SEPTIN6: variants seen among roughly 807,000 people sequenced by gnomAD.
SEPTIN6 encodes septin 6, also known as septin-6.
Under a neutral mutation model 33.6 loss-of-function variants are expected in SEPTIN6, and 8 were observed. The observed-to-expected ratio is 0.24, with a 90% CI of 0.14 to 0.43. The LOEUF (loss-of-function observed/expected upper bound fraction) is 0.43. Ranked by LOEUF, SEPTIN6 falls within the 20% of genes least tolerant of loss-of-function variation. The pLI, the probability that SEPTIN6 is intolerant of heterozygous loss-of-function variation, is 1.00. For synonymous variants in SEPTIN6, 131 were observed against 140.0 expected (o/e 0.94, Z 0.45); for missense variants, 250 against 340.8 (o/e 0.73, Z 2.10).
intron 2 of SEPTIN6, among the ~76,000 whole-genome samples, chrX:119,670,026 G>A (rs958584374): frequency 8.9e-6 from 1 of 111,745 alleles, no homozygotes; most frequent in African/African-American, 3.3e-5. Context: ...CTTGTTCCCA[G>A]GAGTGCAAAG....
In SEPTIN6 at chrX:119,618,852, C is replaced by T. The variant is rs1730855088; in HGVS notation, c.*1241G>A. ...TCATTGCCAGGTCAACTCCATCTCT[C>T]ACACTGTCACTGGCCAAACACCAAA... is the stretch of plus-strand genomic sequence containing the variant. On this transcript the variant is annotated 3_prime_UTR_variant, in exon 11 of 11. Transcript: ENST00000394610. The T allele has an allele frequency of 2.5e-6, 3 of 1,203,743 alleles. No individual in the cohort carries two copies. The highest frequency in any genetic ancestry group is 2.2e-6 in the Non-Finnish European group (2 of 891,544).
At chrX:119,668,272 G>A (rs2054680333) in intron 2 of SEPTIN6, among the ~76,000 whole-genome samples, 1 of 110,468 alleles carries the variant, frequency 9.1e-6, no homozygotes, top group Admixed American at 9.7e-5. Flanking sequence ...CTCCAGCCTG[G>A]GCGACAGAGC....
intron 2 of SEPTIN6, among the ~76,000 whole-genome samples, chrX:119,673,906 C>T (rs2054796507): frequency 1.0e-5 from 1 of 100,167 alleles, no homozygotes; most frequent in Non-Finnish European, 2.0e-5. Context: ...TTTCTGAATA[C>T]ATTAAAGTGT....
rs186506770 is a variant in SEPTIN6, at chrX:119,663,591, C to A, written c.232G>T (p.Gly78Cys). 3 of 1,208,067 alleles carry A rather than the reference C, an allele frequency of 2.5e-6. No homozygotes were observed. In the African/African-American group the frequency reaches 5.3e-5, roughly 21 times the overall value. ...EGEPATHTQPGVQLQSNTYDL... is the reference protein window; with the variant it reads ...EGEPATHTQPCVQLQSNTYDL... The stretch of plus-strand genomic sequence containing the variant: ...TAGGTATTAGACTGGAGCTGGACAC[C>A]CGGCTGTGTGTGGGTGGCTGGCTCC... The change falls in exon 3 of 11, where the codon GGT (glycine) becomes TGT (cysteine). Residue 78 changes from glycine (G) to cysteine (C), a missense_variant. Gly to Cys is a radical substitution (Grantham distance 159). Coordinates refer to ENST00000394610, the MANE Select transcript of SEPTIN6 (RefSeq NM_145799.4).
chrX:119,637,713 G>T (rs369742877), intron 6 of SEPTIN6, among the ~76,000 whole-genome samples: 1 of 110,232 alleles, frequency 9.1e-6, no homozygotes, highest in East Asian at 2.8e-4. Flanking sequence ...AATATTTGTG[G>T]AATCTCTGTT....
intron 1 of SEPTIN6, among the ~76,000 whole-genome samples, chrX:119,690,520 C>T (rs2055151737): frequency 9.2e-6 from 1 of 108,292 alleles, no homozygotes. Context: ...GTCAGGAGTT[C>T]GAGACCAGCC....
intron 5 of SEPTIN6, among the ~76,000 whole-genome samples, chrX:119,642,116 T>G (rs1201746904): frequency 9.9e-6 from 1 of 101,384 alleles, no homozygotes; most frequent in Non-Finnish European, 2.0e-5. Flanking sequence ...AAGTGGAGGT[T>G]GCAGTGAGCC....
intron 5 of SEPTIN6, among the ~76,000 whole-genome samples, chrX:119,643,451 G>A (rs1026246599): frequency 3.7e-5 from 4 of 109,575 alleles, no homozygotes; most frequent in Admixed American, 9.8e-5. Flanking sequence ...GTATTCCCTC[G>A]GGCCTGTTGC....
chrX:119,635,621 A>G (rs1054790113), intron 7 of SEPTIN6, among the ~76,000 whole-genome samples: 20 of 111,606 alleles, frequency 1.8e-4, no homozygotes, highest in Non-Finnish European at 9.4e-5. Flanking sequence ...GTTGATATCA[A>G]ATAAGATGGA....
intron 2 of SEPTIN6, among the ~76,000 whole-genome samples, chrX:119,666,864 C>G (rs2054649380): frequency 9.0e-6 from 1 of 111,332 alleles, no homozygotes; most frequent in Admixed American, 9.5e-5. Context: ...GTATCACACC[C>G]CACCTCACCC....
Position 119,618,508 on chromosome X carries a change from G to A in SEPTIN6, c.*1585C>T, listed in dbSNP as rs951308968. The A allele has an allele frequency of 3.2e-6, 3 of 930,740 alleles. No homozygotes were observed. In the African/African-American group the frequency reaches 6.2e-5, roughly 19 times the overall value. 76.7% of individuals were successfully genotyped at this position (930,740 alleles called of 1,213,427 possible). A position where few individuals can be genotyped will look rare whatever the true frequency, so the allele number is the denominator to read the frequency against. On this transcript the variant is annotated 3_prime_UTR_variant, in exon 11 of 11. Coordinates refer to ENST00000394610, the MANE Select transcript of SEPTIN6 (RefSeq NM_145799.4). ...ATTTGGCATAACCTTGTTTGACTGT[G>A]TGCTTTGAAAGTAAGTGATCAAAAA...
At chrX:119,652,747 A>G (rs2054370518) in intron 4 of SEPTIN6, 107 bp downstream of exon 4, 3 of 600,009 alleles carry the variant, frequency 5.0e-6, no homozygotes, top group Non-Finnish European at 7.9e-6. Flanking sequence ...ACAGGGAATG[A>G]GGGAGAGGAT....
At position 119,619,744 on chromosome X, in the gene SEPTIN6, G is replaced by C; in HGVS notation, c.*349C>G. The C allele has an allele frequency of 2.0e-5, 20 of 989,665 alleles. No homozygotes were observed. Among genetic ancestry groups the C allele is most frequent in the Non-Finnish European group, 2.6e-5 (20 of 783,850 alleles). The allele number at this position is 989,665 out of a possible 1,213,427, so 81.6% of individuals were successfully genotyped here. A position where few individuals can be genotyped will look rare whatever the true frequency, so the allele number is the denominator to read the frequency against. ...CTGGAACAGGGGAGCTGGTGGGAAA[G>C]AGTAGCAGATGGGCCCCCTGACCAT... On this transcript the variant is annotated 3_prime_UTR_variant, in exon 11 of 11. Coordinates refer to ENST00000394610, the MANE Select transcript of SEPTIN6 (RefSeq NM_145799.4).
intron 6 of SEPTIN6, among the ~76,000 whole-genome samples, chrX:119,639,842 C>T (rs1378903616): frequency 1.8e-5 from 2 of 111,167 alleles, no homozygotes; most frequent in Non-Finnish European, 3.8e-5. Flanking sequence ...CTCACTCTGT[C>T]GCCCAGGCTG....
rs191091034 is a variant in SEPTIN6 at position 119,670,770 on chromosome X, C to T, written c.145+4784G>A. On this transcript the variant is annotated intron_variant, in intron 2 of 10. Transcript: ENST00000394610. ...CCTGACCAACATGGAGAAACCCCGT[C>T]TCTACTAAAAATACAAAATTAGCTG... Among the ~76,000 whole-genome samples, 6 of 108,557 alleles carry T rather than the reference C, an allele frequency of 5.5e-5. No individual in the cohort carries two copies. The Admixed American group carries it at 6.0e-4, about 11-fold the overall frequency. 94.3% of individuals were successfully genotyped at this position (108,557 alleles called of 115,157 possible).
At position 119,619,663 on chromosome X, in the gene SEPTIN6, T is replaced by C. The variant is rs1452204001; in HGVS notation, c.*430A>G. ...CCAAGGGGACAGCTGTGCTGATCGG[T>C]GGTTACCCAGCCATGGTGGTTGCAA... On this transcript the variant is annotated 3_prime_UTR_variant, in exon 11 of 11. Coordinates refer to ENST00000394610, the MANE Select transcript of SEPTIN6 (RefSeq NM_145799.4). The C allele has an allele frequency of 6.8e-6, 6 of 887,968 alleles. No homozygotes were observed. In the East Asian group the frequency reaches 3.3e-4, roughly 49 times the overall value. 73.2% of individuals were successfully genotyped at this position (887,968 alleles called of 1,213,427 possible). A position where few individuals can be genotyped will look rare whatever the true frequency, so the allele number is the denominator to read the frequency against.
intron 4 of SEPTIN6, among the ~76,000 whole-genome samples, chrX:119,651,339 TCTC>T (rs1336227046): frequency 8.9e-6 from 1 of 111,768 alleles, no homozygotes; most frequent in Non-Finnish European, 1.9e-5. Flanking sequence ...CAGAGCCTAT[TCTC>T]CTTGGCACTT....
At chrX:119,627,853 G>A (rs1417347293) in intron 9 of SEPTIN6, among the ~76,000 whole-genome samples, 2 of 93,133 alleles carry the variant, frequency 2.1e-5, no homozygotes, top group African/African-American at 4.1e-5. Flanking sequence ...AGGCTGGAGT[G>A]CAATGGTGCT....
At position 119,661,897 on chromosome X, in the gene SEPTIN6, C is replaced by A. The variant is rs750684140; in HGVS notation, c.341+1585G>T. The stretch of plus-strand genomic sequence containing the variant: ...GAATTACAGGCACCCGCCATCACAC[C>A]CGCCTAATTTTTGTATTTTTAGTAG... On this transcript the variant is annotated intron_variant, in intron 3 of 10. Transcript: ENST00000394610. Among the ~76,000 whole-genome samples, 17 of 112,176 alleles carry A rather than the reference C, an allele frequency of 1.5e-4. 1 individual carries two copies. The highest frequency in any genetic ancestry group is 9.4e-4 in the Admixed American group (10 of 10,598).
Sources: allele counts gnomAD v4.1 joint callset (sites outside exome capture counted in the v4.1 genomes callset), GRCh38; gene constraint gnomAD v4.1.1; transcripts MANE v1.5; gene names NCBI Gene and HGNC (gene_info 2026-07-23, HGNC 2026-07-21).